The following MSRA variants were observed in gnomAD, a reference collection of about 807,000 sequenced individuals.
MSRA encodes the protein mitochondrial peptide methionine sulfoxide reductase.
MSRA carries 54 observed loss-of-function variants against 31.3 expected under a neutral mutation model. The observed-to-expected ratio is 1.73, with a 90% CI of 1.39 to 2.17. MSRA has a LOEUF of 2.17. Among genes scored for constraint, MSRA ranks in the 30% most tolerant of loss-of-function variants. The probability of loss-of-function intolerance (pLI) is 0.00; values close to 1 mark genes in which losing one functional copy is unlikely to be tolerated. For synonymous variants in MSRA, 169 were observed against 116.5 expected (o/e 1.45, Z -2.90); for missense variants, 507 against 300.9 (o/e 1.69, Z -5.07).
chr8:10,231,834 C>T (rs1389561485), intron 2 of MSRA, among the ~76,000 whole-genome samples: 2 of 152,060 alleles, frequency 1.3e-5, no homozygotes, highest in Non-Finnish European at 2.9e-5. Context: ...GCCTGGGAGG[C>T]AGAGGTTGCA....
chr8:10,130,286 A>C (rs117593761), intron 1 of MSRA, among the ~76,000 whole-genome samples: 7 of 152,332 alleles, frequency 4.6e-5, no homozygotes, highest in Non-Finnish European at 8.8e-5. Flanking sequence ...TTATTCTATC[A>C]TACAGGATAA....
In MSRA at chr8:10,122,071, G is replaced by C. The variant is rs190705864; in HGVS notation, c.142+67413G>C. ...GAACAGCGGTCCTGTAACTCTTCAGGGAAGGGGCACCACATATCTGTCCTG... is the reference window on the plus strand; with the variant it reads ...GAACAGCGGTCCTGTAACTCTTCAGCGAAGGGGCACCACATATCTGTCCTG... On this transcript the variant is annotated intron_variant, in intron 1 of 5. Coordinates refer to ENST00000317173, the MANE Select transcript of MSRA (RefSeq NM_012331.5). Among the ~76,000 whole-genome samples the C allele has an allele frequency of 2.2e-3, 332 of 152,122 alleles. 4 individuals carry two copies. The highest frequency in any genetic ancestry group is 2.8e-4 in the Non-Finnish European group (19 of 68,006).
intron 5 of MSRA, among the ~76,000 whole-genome samples, chr8:10,392,809 G>A (rs963756218): frequency 1.3e-5 from 2 of 149,588 alleles, no homozygotes; most frequent in African/African-American, 4.9e-5. Context: ...CACTTTGGGA[G>A]GCTGAGACGG....
At chr8:10,113,765 T>G (rs728039) in intron 1 of MSRA, among the ~76,000 whole-genome samples, 87,818 of 149,632 alleles carry the variant, frequency 0.59, 25,693 homozygotes, top group Middle Eastern at 0.67. Context: ...GTATTTGCAT[T>G]TTTTTTTTTT....
At chr8:10,321,393 C>T (rs577730196) in intron 5 of MSRA, among the ~76,000 whole-genome samples, 14 of 152,070 alleles carry the variant, frequency 9.2e-5, no homozygotes, top group South Asian at 4.2e-4. Flanking sequence ...AGTAGAAGGA[C>T]GGGTGACTCA....
intron 1 of MSRA, among the ~76,000 whole-genome samples, chr8:10,128,496 A>G (rs1801661211): frequency 1.3e-5 from 2 of 152,128 alleles, no homozygotes; most frequent in African/African-American, 4.8e-5. Context: ...TTTCTAGGAT[A>G]TTCGAAATTC....
At position 10,094,784 on chromosome 8, in the gene MSRA, T is replaced by A. The variant is rs530620800; in HGVS notation, c.142+40126T>A. 5.0e-4 allele frequency among the ~76,000 whole-genome samples: 76 copies of A among 152,372 alleles called. No individual in the cohort carries two copies. The South Asian group carries it at 0.015, about 31-fold the overall frequency. ...TAAAAATAAAAGCAAACAGTACTTA[T>A]TTATGCTTATTATATTGTATTAACA... On this transcript the variant is annotated intron_variant, in intron 1 of 5. Transcript: ENST00000317173.
At chr8:10,390,231 C>G (rs1037823425) in intron 5 of MSRA, among the ~76,000 whole-genome samples, 6 of 152,240 alleles carry the variant, frequency 3.9e-5, no homozygotes, top group African/African-American at 9.6e-5. Flanking sequence ...GGGATGGGGC[C>G]TCCGTGGGGC....
At chr8:10,378,957 C>G (rs532436172) in intron 5 of MSRA, among the ~76,000 whole-genome samples, 1 of 152,382 alleles carries the variant, frequency 6.6e-6, no homozygotes, top group South Asian at 2.1e-4. Context: ...CCCATCACAG[C>G]ACCTGCTGTC....
chr8:10,293,680 C>G (rs1266770398), intron 3 of MSRA, among the ~76,000 whole-genome samples: 1 of 152,096 alleles, frequency 6.6e-6, no homozygotes, highest in Non-Finnish European at 1.5e-5. Flanking sequence ...CTGCAGGTCT[C>G]CGTAAAGGGT....
intron 1 of MSRA, among the ~76,000 whole-genome samples, chr8:10,168,106 C>T (rs572305461): frequency 6.6e-6 from 1 of 152,232 alleles, no homozygotes; most frequent in South Asian, 2.1e-4. Flanking sequence ...TCCCTATGCT[C>T]CTTGTGCCTT....
At chr8:10,232,117 C>A (rs1284735067) in intron 2 of MSRA, among the ~76,000 whole-genome samples, 1 of 151,998 alleles carries the variant, frequency 6.6e-6, no homozygotes, top group African/African-American at 2.4e-5. Flanking sequence ...GTGGAGGCTG[C>A]CCTGGAAATT....
At chr8:10,314,274 G>C (rs1341480458) in intron 4 of MSRA, among the ~76,000 whole-genome samples, 4 of 151,722 alleles carry the variant, frequency 2.6e-5, no homozygotes, top group African/African-American at 9.7e-5. Context: ...TTTGATAAAG[G>C]ATTAGTATTC....
At chr8:10,090,592 C>G (rs1005311870) in intron 1 of MSRA, among the ~76,000 whole-genome samples, 1 of 152,118 alleles carries the variant, frequency 6.6e-6, no homozygotes, top group Non-Finnish European at 1.5e-5. Flanking sequence ...AGTGGTTTTT[C>G]GTACATTCAC....
At chr8:10,185,393 G>A (rs1488175183) in intron 1 of MSRA, among the ~76,000 whole-genome samples, 2 of 152,166 alleles carry the variant, frequency 1.3e-5, no homozygotes, top group Non-Finnish European at 2.9e-5. Context: ...GTGGGTAGGG[G>A]CAAATAGGCA....
intron 1 of MSRA, among the ~76,000 whole-genome samples, chr8:10,195,322 TC>T (rs1807875178): frequency 1.3e-5 from 2 of 152,314 alleles, no homozygotes; most frequent in South Asian, 4.1e-4. Context: ...CTCATTGCAA[TC>T]TCTGCCTCCC....
chr8:10,174,426 C>G (rs1805862192), intron 1 of MSRA, among the ~76,000 whole-genome samples: 1 of 152,140 alleles, frequency 6.6e-6, no homozygotes, highest in Non-Finnish European at 1.5e-5. Flanking sequence ...TGTCACGCAA[C>G]CATGCTTTTC....
At chr8:10,143,479 C>T (rs1180624298) in intron 1 of MSRA, among the ~76,000 whole-genome samples, 2 of 152,144 alleles carry the variant, frequency 1.3e-5, no homozygotes, top group African/African-American at 4.8e-5. Context: ...CAGGATTTGT[C>T]GTTATTCCCC....
intron 3 of MSRA, among the ~76,000 whole-genome samples, chr8:10,275,979 T>G (rs1799299453): frequency 6.6e-6 from 1 of 152,214 alleles, no homozygotes; most frequent in African/African-American, 2.4e-5. Context: ...AAACCTGTCC[T>G]CTGGTACTGG....
Sources: gnomAD v4.1 joint callset for allele counts (sites outside exome capture counted in the v4.1 genomes callset) on GRCh38, gnomAD v4.1.1 for gene constraint, MANE v1.5 for transcripts, NCBI Gene and HGNC (gene_info 2026-07-23, HGNC 2026-07-21) for gene names.